BLTP1: variants seen among roughly 807,000 people sequenced by gnomAD.
The protein encoded by BLTP1 is bridge-like lipid transfer protein family member 1.
At chr4:122,309,313 C>T in the BLTP1 span, 1 of 1,613,182 alleles carries the variant, frequency 6.2e-7, no homozygotes, top group Non-Finnish European at 8.5e-7. Flanking sequence ...TGGTATTAAC[C>T]ATTGAAAGTA....
chr4:122,274,450 TTTTTA>T, the BLTP1 span: 5 of 1,586,792 alleles, frequency 3.2e-6, no homozygotes, highest in Non-Finnish European at 4.3e-6. Flanking sequence ...AGTATGTCAG[TTTTTA>T]TTTTCTTACA....
At chr4:122,362,049 A>C in the BLTP1 span, 1 of 1,609,702 alleles carries the variant, frequency 6.2e-7, no homozygotes, top group Non-Finnish European at 8.5e-7. Flanking sequence ...CTTGGACTGG[A>C]AGAAAGATTG....
chr4:122,190,376 A>C, the BLTP1 span: 1 of 949,322 alleles, frequency 1.1e-6, no homozygotes, highest in South Asian at 4.9e-5. Flanking sequence ...GATTGTAGTC[A>C]TGAGCCCATG....
the BLTP1 span, among the ~76,000 whole-genome samples, chr4:122,294,476 A>T: frequency 6.6e-6 from 1 of 152,248 alleles, no homozygotes; most frequent in African/African-American, 2.4e-5. Context: ...GGAGGAACTC[A>T]GAACACTAGA....
At chr4:122,208,799 T>A in the BLTP1 span, 1 of 435,914 alleles carries the variant, frequency 2.3e-6, no homozygotes, top group African/African-American at 2.2e-5. Context: ...CCCAGCACTT[T>A]GGGAGCCTGA....
the BLTP1 span, chr4:122,154,939 G>A: frequency 2.1e-6 from 2 of 945,580 alleles, no homozygotes; most frequent in Non-Finnish European, 2.5e-6. Flanking sequence ...AGAATATTGT[G>A]TATGGCTGAA....
At chr4:122,187,037 C>T in the BLTP1 span, 3 of 985,088 alleles carry the variant, frequency 3.0e-6, no homozygotes, top group Non-Finnish European at 3.6e-6. Flanking sequence ...AGTAGACAAA[C>T]ATCAAAGTGA....
At chr4:122,153,248 A>G in the BLTP1 span, among the ~76,000 whole-genome samples, 4 of 149,160 alleles carry the variant, frequency 2.7e-5, no homozygotes, top group Non-Finnish European at 5.9e-5. Context: ...CTTTTTAAGG[A>G]AATCATGGGC....
the BLTP1 span, among the ~76,000 whole-genome samples, chr4:122,163,930 G>A: frequency 2.0e-5 from 3 of 152,060 alleles, no homozygotes; most frequent in Non-Finnish European, 4.4e-5. Flanking sequence ...TTGTTTTAGT[G>A]TTCTGTGTCT....
At chr4:122,256,010 G>A in the BLTP1 span, 1 of 965,192 alleles carries the variant, frequency 1.0e-6, no homozygotes, top group Admixed American at 6.2e-5. Context: ...TGATGATTGA[G>A]GGGAGAATAT....
chr4:122,194,752 A>G, the BLTP1 span: 18 of 771,096 alleles, frequency 2.3e-5, no homozygotes, highest in South Asian at 6.0e-4. Flanking sequence ...ATTTTAGGGT[A>G]TATTTACACA....
At chr4:122,195,601 G>T in the BLTP1 span, 1 of 209,128 alleles carries the variant, frequency 4.8e-6, no homozygotes, top group Non-Finnish European at 8.3e-6. Flanking sequence ...GCTACAGCAT[G>T]AAGTGCTGAG....
At chr4:122,215,524 A>G in the BLTP1 span, 1 of 985,362 alleles carries the variant, frequency 1.0e-6, no homozygotes, top group Non-Finnish European at 1.2e-6. Flanking sequence ...TCTGGGGGCC[A>G]TTTACAGATG....
the BLTP1 span, chr4:122,299,226 G>T: frequency 5.0e-6 from 4 of 803,122 alleles, no homozygotes; most frequent in Non-Finnish European, 6.0e-6. Flanking sequence ...ATGTGATAAA[G>T]AACTTAGAAG....
At chr4:122,212,125 T>G in the BLTP1 span, 1 of 946,010 alleles carries the variant, frequency 1.1e-6, no homozygotes, top group Non-Finnish European at 1.3e-6. Context: ...TCAAGGTTTG[T>G]TAGTAAAGGC....
the BLTP1 span, among the ~76,000 whole-genome samples, chr4:122,160,442 A>G: frequency 9.2e-5 from 14 of 152,192 alleles, no homozygotes; most frequent in Admixed American, 7.2e-4. Context: ...AGTAATGTCA[A>G]CCTTTTTATA....
At chr4:122,254,922 T>A in the BLTP1 span, 1 of 1,612,404 alleles carries the variant, frequency 6.2e-7, no homozygotes, top group Non-Finnish European at 8.5e-7. Flanking sequence ...GAATTTGTGC[T>A]GTTATGGGAT....
the BLTP1 span, chr4:122,301,134 C>CTTT: frequency 1.4e-6 from 1 of 701,848 alleles, no homozygotes; most frequent in African/African-American, 1.9e-5. Flanking sequence ...GCAGAATTAT[C>CTTT]CCTATCTTTC....
the BLTP1 span, chr4:122,234,919 C>G: frequency 6.2e-7 from 1 of 1,613,384 alleles, no homozygotes; most frequent in Non-Finnish European, 8.5e-7. Flanking sequence ...TCCAGTAGCT[C>G]TGCATTTTCA....
Sources: gnomAD v4.1 joint callset for allele counts (sites outside exome capture counted in the v4.1 genomes callset) on GRCh38, gnomAD v4.1.1 for gene constraint, MANE v1.5 for transcripts, NCBI Gene and HGNC (gene_info 2026-07-23, HGNC 2026-07-21) for gene names.